The following ITGB5 variants were observed in gnomAD, a reference collection of about 807,000 sequenced individuals.
The protein encoded by ITGB5 is integrin beta-5.
ITGB5 carries 38 observed loss-of-function variants against 84.8 expected under a neutral mutation model. The observed-to-expected ratio is 0.45, with a 90% CI of 0.35 to 0.59. The LOEUF is 0.59. Ranked by LOEUF, ITGB5 falls within the 20% of genes least tolerant of loss-of-function variation. The pLI, the probability that ITGB5 is intolerant of heterozygous loss-of-function variation, is 0.01. For missense variants in ITGB5, 905 were observed against 1,034.5 expected, an observed-to-expected ratio of 0.87 and a Z score of 1.72; for synonymous variants, 393 against 414.4, an observed-to-expected ratio of 0.95 and a Z score of 0.63.
chr3:124,865,518 GCT>G (rs1302264524), intron 2 of ITGB5, among the ~76,000 whole-genome samples: 2 of 121,006 alleles, frequency 1.7e-5, no homozygotes, highest in Non-Finnish European at 3.1e-5. Context: ...ACTGGGTCTC[GCT>G]CTGTCGTCTA....
chr3:124,861,521 C>CACACACAT lies in ITGB5; in HGVS notation c.157-2076_157-2075insATGTGTGT, dbSNP rs1174350229. 3.5e-4 allele frequency among the ~76,000 whole-genome samples: 52 copies of CACACACAT among 147,022 alleles called. 1 individual carries two copies. Among genetic ancestry groups the CACACACAT allele is most frequent in the African/African-American group, 1.3e-3 (50 of 38,436 alleles). On this transcript the variant is annotated intron_variant, in intron 2 of 14. Transcript: ENST00000296181. ...ACACACACACACACACACACACACA[C>CACACACAT]ACACACAGAGAGATACACATATATA...
chr3:124,848,246 A>G (rs1438655581), intron 4 of ITGB5, 63 bp downstream of exon 4: 9 of 1,578,646 alleles, frequency 5.7e-6, no homozygotes. Context: ...TTTGAGCTAA[A>G]TTTTCCTGCT....
chr3:124,809,208 A>C (rs1044792200), intron 8 of ITGB5, 52 bp from the exon 9 acceptor site: 8 of 1,602,280 alleles, frequency 5.0e-6, no homozygotes, highest in Non-Finnish European at 6.8e-6. Context: ...GCTGTGGCTG[A>C]GGTGCTCCCA....
At chr3:124,801,362 G>A (rs1023265970) in intron 9 of ITGB5, among the ~76,000 whole-genome samples, 1 of 152,164 alleles carries the variant, frequency 6.6e-6, no homozygotes, top group Non-Finnish European at 1.5e-5. Flanking sequence ...GGGCTTTCAA[G>A]GTTTGATTTA....
chr3:124,811,413 G>A (rs1433042079), intron 8 of ITGB5, among the ~76,000 whole-genome samples: 1 of 152,152 alleles, frequency 6.6e-6, no homozygotes, highest in Non-Finnish European at 1.5e-5. Context: ...ATAAGTAGTG[G>A]AGGAAATAAA....
rs1236973004 is a variant in ITGB5, at chr3:124,823,577, T to C, written c.781-2103A>G. On this transcript the variant is annotated intron_variant, in intron 5 of 14. Transcript: ENST00000296181. ...AAAGAGGCTTTCAAGGTGCTGGTGATGTTCTGTTTCTTGACCTTATGAGCA... is the reference window on the plus strand; with the variant it reads ...AAAGAGGCTTTCAAGGTGCTGGTGACGTTCTGTTTCTTGACCTTATGAGCA... 2.0e-5 allele frequency among the ~76,000 whole-genome samples: 3 copies of C among 150,716 alleles called. No individual in the cohort carries two copies. The East Asian group carries it at 5.8e-4, about 29-fold the overall frequency.
At position 124,767,596 on chromosome 3, in the gene ITGB5, G is replaced by C. The variant is rs558687273; in HGVS notation, c.2018-1251C>G. ...TGCCTAGTTAGGGGCAACCAGCCCA[G>C]GTCTGCTGGCAGAACCTGAGGTCGG... On this transcript the variant is annotated intron_variant, in intron 12 of 14. Coordinates refer to ENST00000296181, the MANE Select transcript of ITGB5 (RefSeq NM_002213.5). Among the ~76,000 whole-genome samples, 27 of 152,300 alleles carry C rather than the reference G, an allele frequency of 1.8e-4. No individual in the cohort carries two copies. In the East Asian group the frequency reaches 5.0e-3, roughly 28 times the overall value.
intron 10 of ITGB5, among the ~76,000 whole-genome samples, chr3:124,789,453 G>A (rs111904262): frequency 1.0e-4 from 9 of 89,658 alleles, no homozygotes; most frequent in Admixed American, 3.7e-4. Context: ...AACCGCCTCT[G>A]ACTAGACAGG....
upstream of ITGB5, among the ~76,000 whole-genome samples, chr3:124,889,426 T>G (rs1934946719): frequency 6.6e-6 from 1 of 152,124 alleles, no homozygotes; most frequent in Non-Finnish European, 1.5e-5. Flanking sequence ...ATGTCTCATG[T>G]CTCCCTAAAA....
At chr3:124,871,650 A>T (rs1157552071) in intron 2 of ITGB5, among the ~76,000 whole-genome samples, 1 of 151,950 alleles carries the variant, frequency 6.6e-6, no homozygotes, top group Non-Finnish European at 1.5e-5. Flanking sequence ...ACATAGAGAG[A>T]TCCCACCTCT....
upstream of ITGB5, among the ~76,000 whole-genome samples, chr3:124,890,346 G>T (rs1389518581): frequency 1.3e-5 from 2 of 151,824 alleles, no homozygotes; most frequent in Non-Finnish European, 2.9e-5. Flanking sequence ...TGGGACTACA[G>T]GCGTGTGCCA....
chr3:124,848,558 C>T lies in ITGB5; in HGVS notation c.362G>A (p.Gly121Asp), dbSNP rs756090550. Residue 121 changes from glycine (G) to aspartate (D), a missense_variant and splice_region_variant, in exon 4 of 15, where the codon GGT becomes GAT. Gly to Asp is a moderately conservative substitution (Grantham distance 94). Around this residue, in one of 3 missense-constraint regions of ITGB5, gnomAD observed 656 missense variants for 734.7 expected, o/e 0.89. Transcript: ENST00000296181. ...CTGTAGCTGGAAGGTGGTCTTGTCA[C>T]CTGCACCAACAGAGAGGCCACGTGT... The part of the protein sequence containing the change: ...PQEIAVNLRP[G>D]DKTTFQLQVR... 1.2e-6 allele frequency: 2 copies of T among 1,609,718 alleles called. No individual in the cohort carries two copies. The highest frequency in any genetic ancestry group is 1.7e-5 in the Admixed American group (1 of 59,964).
At position 124,779,594 on chromosome 3, in the gene ITGB5, G is replaced by A. The variant is rs201318584; in HGVS notation, c.1694-5682C>T. ...CCTGGAAAAGGGGGCAGTGGAGTGCGGTGGTTAACACAGGGATTCTGGAAT... is the reference window on the plus strand; with the variant it reads ...CCTGGAAAAGGGGGCAGTGGAGTGCAGTGGTTAACACAGGGATTCTGGAAT... On this transcript the variant is annotated intron_variant, in intron 10 of 14. Coordinates refer to ENST00000296181, the MANE Select transcript of ITGB5 (RefSeq NM_002213.5). 3.3e-4 allele frequency among the ~76,000 whole-genome samples: 51 copies of A among 152,270 alleles called. No individual in the cohort carries two copies. The East Asian group carries it at 6.8e-3, about 20-fold the overall frequency.
At chr3:124,870,753 G>A (rs1933982912) in intron 2 of ITGB5, among the ~76,000 whole-genome samples, 1 of 149,128 alleles carries the variant, frequency 6.7e-6, no homozygotes, top group African/African-American at 2.5e-5. Flanking sequence ...AAAAACCCCA[G>A]TGGAGGGAGC....
At chr3:124,822,559 G>T (rs1274186946) in intron 5 of ITGB5, among the ~76,000 whole-genome samples, 2 of 152,162 alleles carry the variant, frequency 1.3e-5, no homozygotes, top group African/African-American at 4.8e-5. Flanking sequence ...TCCAGAGGCG[G>T]CATGGAAATA....
chr3:124,787,021 A>G (rs1267326665), intron 10 of ITGB5, among the ~76,000 whole-genome samples: 1 of 152,206 alleles, frequency 6.6e-6, no homozygotes, highest in Non-Finnish European at 1.5e-5. Context: ...CCTCAAGCCT[A>G]CATGACTAAG....
chr3:124,765,341 C>T (rs1193114996), intron 13 of ITGB5, among the ~76,000 whole-genome samples: 1 of 152,166 alleles, frequency 6.6e-6, no homozygotes, highest in Non-Finnish European at 1.5e-5. Flanking sequence ...TTCAGTGGTG[C>T]TGGGAGCTGA....
chr3:124,884,760 T>C (rs1048933287), intron 1 of ITGB5, among the ~76,000 whole-genome samples: 1 of 152,076 alleles, frequency 6.6e-6, no homozygotes, highest in African/African-American at 2.4e-5. Context: ...TGAACCACCA[T>C]GCTCAGTGCT....
intron 10 of ITGB5, among the ~76,000 whole-genome samples, chr3:124,779,359 G>A (rs2150944753): frequency 6.6e-6 from 1 of 152,248 alleles, no homozygotes; most frequent in East Asian, 1.9e-4. Flanking sequence ...TGAGCCAAAG[G>A]CAGTACTGGG....
Sources: allele counts gnomAD v4.1 joint callset (sites outside exome capture counted in the v4.1 genomes callset), GRCh38; gene constraint gnomAD v4.1.1; regional missense constraint gnomAD v4.1.1; transcripts MANE v1.5; gene names NCBI Gene and HGNC (gene_info 2026-07-23, HGNC 2026-07-21).